Variants in AAK1 observed in about 807,000 individuals in gnomAD.
The protein encoded by AAK1 is AP2 associated kinase 1.
A neutral mutation model predicts 116.0 loss-of-function variants in AAK1; 37 were observed. The ratio of observed to expected loss-of-function variants is 0.32; its 90% CI spans 0.25 to 0.42. The LOEUF (loss-of-function observed/expected upper bound fraction) is 0.42, where lower values mean the gene tolerates loss of function less well. Ranked by LOEUF, AAK1 falls within the 10% of genes least tolerant of loss-of-function variation. AAK1 has a pLI of 1.00. For synonymous variants in AAK1, 458 were observed against 439.9 expected, an observed-to-expected ratio of 1.04 and a Z score of -0.51; for missense variants, 919 against 1,170.6, an observed-to-expected ratio of 0.79 and a Z score of 3.14.
In AAK1 at chr2:69,471,633, T is replaced by A; in HGVS notation, c.*4236A>T. ...AGTGGCTATGGGAGCCTGATAATCTTGCAGACAGAGAAGGTTAAGGACTCT... is the reference window on the plus strand; with the variant it reads ...AGTGGCTATGGGAGCCTGATAATCTAGCAGACAGAGAAGGTTAAGGACTCT... On this transcript the variant is annotated 3_prime_UTR_variant, in exon 22 of 22. Transcript: ENST00000409085. The A allele has an allele frequency of 1.0e-6, 1 of 985,422 alleles. No homozygotes were observed. The highest frequency in any genetic ancestry group is 4.7e-5 in the South Asian group (1 of 21,288). 61.0% of individuals were successfully genotyped at this position (985,422 alleles called of 1,614,324 possible). A position where few individuals can be genotyped will look rare whatever the true frequency, so the allele number is the denominator to read the frequency against.
intron 2 of AAK1, chr2:69,597,974 A>G (rs1164840200): frequency 9.5e-6 from 3 of 314,332 alleles, no homozygotes; most frequent in African/African-American, 6.5e-5. Flanking sequence ...AGATGAAAAA[A>G]AAGTGTTGGT....
intron 2 of AAK1, among the ~76,000 whole-genome samples, chr2:69,590,691 C>T (rs1309281015): frequency 1.3e-5 from 2 of 152,242 alleles, no homozygotes; most frequent in Non-Finnish European, 2.9e-5. Context: ...TCAATACATA[C>T]TATCTTTGGC....
chr2:69,595,098 TTG>T (rs1422311413), intron 2 of AAK1: 1 of 641,222 alleles, frequency 1.6e-6, no homozygotes, highest in African/African-American at 1.8e-5. Context: ...AGCTAGGATT[TTG>T]TTTCTTTTTT....
chr2:69,640,053 A>ACTCT (rs1177010194), intron 2 of AAK1, among the ~76,000 whole-genome samples: 1,819 of 92,592 alleles, frequency 0.02, 24 homozygotes, highest in Non-Finnish European at 0.026. Context: ...ACACACACAC[A>ACTCT]CTCTCTCTCT....
intron 2 of AAK1, among the ~76,000 whole-genome samples, chr2:69,619,281 G>A (rs1674480061): frequency 6.6e-6 from 1 of 152,054 alleles, no homozygotes; most frequent in Admixed American, 6.5e-5. Context: ...AGACAACCTT[G>A]CCTCCTTACT....
intron 17 of AAK1, among the ~76,000 whole-genome samples, chr2:69,494,167 CAA>C (rs915555414): frequency 6.6e-5 from 10 of 152,056 alleles, no homozygotes; most frequent in African/African-American, 2.4e-4. Context: ...CACCGAAACC[CAA>C]GAGAGGTCTT....
At chr2:69,555,595 A>G (rs1558958384) in intron 3 of AAK1, among the ~76,000 whole-genome samples, 1 of 152,200 alleles carries the variant, frequency 6.6e-6, no homozygotes, top group African/African-American at 2.4e-5. Flanking sequence ...CTAGGTGAAC[A>G]TATGTATCTG....
At chr2:69,578,714 T>C (rs1328445719) in intron 2 of AAK1, among the ~76,000 whole-genome samples, 2 of 152,044 alleles carry the variant, frequency 1.3e-5, no homozygotes, top group Non-Finnish European at 1.5e-5. Context: ...CCTGAAGAAA[T>C]TGTTCCCTCT....
chr2:69,556,472 G>A (rs1671391044), intron 3 of AAK1, among the ~76,000 whole-genome samples: 2 of 152,180 alleles, frequency 1.3e-5, no homozygotes, highest in Admixed American at 6.5e-5. Flanking sequence ...GAGCTCAGGA[G>A]GGTTGAACTG....
chr2:69,513,147 T>G (rs11126234), intron 13 of AAK1, among the ~76,000 whole-genome samples: 54,831 of 151,996 alleles, frequency 0.36, 10,556 homozygotes, highest in East Asian at 0.53. Flanking sequence ...GTCTACTCCA[T>G]GCCTGCAGGA....
At position 69,519,380 on chromosome 2, in the gene AAK1, C is replaced by A. The variant is rs888145855; in HGVS notation, c.1211-140G>T. 2.5e-6 allele frequency: 3 copies of A among 1,211,022 alleles called. No homozygotes were observed. The African/African-American group carries it at 4.6e-5, about 19-fold the overall frequency. The allele number at this position is 1,211,022 out of a possible 1,614,324, so 75.0% of individuals were successfully genotyped here. On this transcript the variant is annotated intron_variant, in intron 11 of 21. Coordinates refer to ENST00000409085, the MANE Select transcript of AAK1 (RefSeq NM_014911.5). ...TCGTGTCCTCCTCACTGTCTTTCCA[C>A]ATGCTCTGTCCCACCTGGAATGTCT...
chr2:69,531,918 C>CT, intron 6 of AAK1, 123 bp downstream of exon 6: 10 of 1,454,458 alleles, frequency 6.9e-6, no homozygotes, highest in Non-Finnish European at 9.4e-6. Context: ...ACATGATGCT[C>CT]TGAGATGAAG....
chr2:69,568,252 T>C (rs1301500255), intron 2 of AAK1, among the ~76,000 whole-genome samples: 2 of 152,160 alleles, frequency 1.3e-5, no homozygotes, highest in Admixed American at 6.5e-5. Context: ...TTCGAGAACA[T>C]TCCAGTTCAA....
At chr2:69,588,897 T>C (rs568210232) in intron 2 of AAK1, among the ~76,000 whole-genome samples, 30 of 152,268 alleles carry the variant, frequency 2.0e-4, no homozygotes, top group African/African-American at 7.0e-4. Context: ...ACAGAATAAA[T>C]GAAAGAACTG....
Position 69,483,795 on chromosome 2 carries a change from CT to C in AAK1, c.2366-984del, listed in dbSNP as rs113369581. Among the ~76,000 whole-genome samples the C allele has an allele frequency of 7.7e-4, 118 of 152,308 alleles. 1 individual carries two copies. The highest frequency in any genetic ancestry group is 2.7e-3 in the African/African-American group (113 of 41,576). On this transcript the variant is annotated intron_variant, in intron 17 of 21. Transcript: ENST00000409085. ...CCCAAAAATGGATTACTCTTGATGTCTTCTGGCCAAGAAATAAAAGGACGCC... is the reference window on the plus strand; with the variant it reads ...CCCAAAAATGGATTACTCTTGATGTCTCTGGCCAAGAAATAAAAGGACGCC...
rs182853564 is a variant in AAK1, at chr2:69,475,512, C to T, written c.*357G>A. On this transcript the variant is annotated 3_prime_UTR_variant, in exon 22 of 22. Coordinates refer to ENST00000409085, the MANE Select transcript of AAK1 (RefSeq NM_014911.5). ...TCTGGGAGGCCATTCCTAGCAAGAA[C>T]GAGACAAAAGTGTCAATTCACTAGT... The T allele has an allele frequency of 1.1e-5, 11 of 1,034,404 alleles. No homozygotes were observed. The Admixed American group carries it at 1.5e-4, about 14-fold the overall frequency. 64.1% of individuals were successfully genotyped at this position (1,034,404 alleles called of 1,614,324 possible).
intron 6 of AAK1, among the ~76,000 whole-genome samples, chr2:69,531,344 G>A (rs17036729): frequency 0.021 from 3,225 of 152,244 alleles, 103 homozygotes; most frequent in African/African-American, 0.074. Flanking sequence ...GCCTTGGGTC[G>A]ATCAGGTTCT....
rs1211977163 is a variant in AAK1 at position 69,596,379 on chromosome 2, G to A, written c.164-39401C>T. 6.6e-5 allele frequency among the ~76,000 whole-genome samples: 10 copies of A among 151,930 alleles called. No individual in the cohort carries two copies. In the East Asian group the frequency reaches 7.8e-4, roughly 12 times the overall value. On this transcript the variant is annotated intron_variant, in intron 2 of 21. Transcript: ENST00000409085. ...TAGGATTACAGGCACCTGCCACCAC[G>A]CCCAGCTAATTTTTGTATTTTTACT...
rs1384475304 is a variant in AAK1, at chr2:69,466,331, C to A, written c.*9538G>T. 1 of 1,289,730 alleles carries A rather than the reference C, an allele frequency of 7.8e-7. No homozygotes were observed. Among genetic ancestry groups the A allele is most frequent in the Non-Finnish European group, 1.0e-6 (1 of 988,890 alleles). The allele number at this position is 1,289,730 out of a possible 1,614,324, so 79.9% of individuals were successfully genotyped here. A position where few individuals can be genotyped will look rare whatever the true frequency, so the allele number is the denominator to read the frequency against. Reference sequence around the variant, plus strand: ...GAGGCCGAGACCCACTGCAGTCCAGCATGTCTCCTTCAAGGTCAGTCCCTT... The same window carrying A: ...GAGGCCGAGACCCACTGCAGTCCAGAATGTCTCCTTCAAGGTCAGTCCCTT... On this transcript the variant is annotated 3_prime_UTR_variant, in exon 22 of 22. Transcript: ENST00000409085.
Sources: gnomAD v4.1 joint callset for allele counts (sites outside exome capture counted in the v4.1 genomes callset) on GRCh38, gnomAD v4.1.1 for gene constraint, MANE v1.5 for transcripts, NCBI Gene and HGNC (gene_info 2026-07-23, HGNC 2026-07-21) for gene names.